OR14I1: variants seen among roughly 807,000 people sequenced by gnomAD.
OR14I1 encodes olfactory receptor 14I1.
For missense variants in OR14I1, 279 were observed against 181.8 expected, an observed-to-expected ratio of 1.53 and a Z score of -3.07; for synonymous variants, 118 against 71.1, an observed-to-expected ratio of 1.66 and a Z score of -3.32.
the OR14I1 span, chr1:248,697,309 A>G: frequency 6.6e-6 from 1 of 152,156 alleles, no homozygotes; most frequent in Non-Finnish European, 1.5e-5. Context: ...ATCTCTTAGA[A>G]ATGAGGACAC....
the OR14I1 span, among the ~76,000 whole-genome samples, chr1:248,694,742 A>G: frequency 6.6e-6 from 1 of 152,242 alleles, no homozygotes; most frequent in East Asian, 1.9e-4. Flanking sequence ...ATGTAGGAAA[A>G]TACCTAGGAA....
At chr1:248,687,132 A>G (rs1392471524), upstream of OR14I1, among the ~76,000 whole-genome samples, 1 of 152,256 alleles carries the variant, frequency 6.6e-6, no homozygotes, top group Admixed American at 6.5e-5. Flanking sequence ...AGTGATGAGC[A>G]TGAGATATAG....
chr1:248,697,556 G>A, the OR14I1 span, among the ~76,000 whole-genome samples: 81 of 151,858 alleles, frequency 5.3e-4, no homozygotes, highest in African/African-American at 1.9e-3. Context: ...AGGCTGAGGC[G>A]GGCAGATCAC....
exon 1 of OR14I1, chr1:248,681,931 C>A (rs1661573783): frequency 1.3e-6 from 1 of 780,798 alleles, no homozygotes; most frequent in Admixed American, 1.7e-5. Flanking sequence ...GAGGGGGTGG[C>A]AAATGGCAAC....
downstream of OR14I1, among the ~76,000 whole-genome samples, chr1:248,680,774 T>C (rs1389073350): frequency 6.6e-6 from 1 of 152,172 alleles, no homozygotes; most frequent in Non-Finnish European, 1.5e-5. Flanking sequence ...AGGCACTCAG[T>C]GACAATCTCA....
chr1:248,679,699 G>A (rs772525451), downstream of OR14I1, among the ~76,000 whole-genome samples: 3 of 152,104 alleles, frequency 2.0e-5, no homozygotes, highest in Non-Finnish European at 2.9e-5. Context: ...AGCTGGTCCT[G>A]AGTCCACCTC....
At chr1:248,699,733 C>A in the OR14I1 span, among the ~76,000 whole-genome samples, 2 of 151,746 alleles carry the variant, frequency 1.3e-5, no homozygotes, top group African/African-American at 4.9e-5. Flanking sequence ...CCCTGGTTCT[C>A]ACTGCTGACT....
chr1:248,700,875 T>G, the OR14I1 span, among the ~76,000 whole-genome samples: 1 of 152,212 alleles, frequency 6.6e-6, no homozygotes, highest in Admixed American at 6.5e-5. Context: ...CAATGCTCAT[T>G]GGGTGAATCA....
chr1:248,686,797 G>A (rs895046612), upstream of OR14I1, among the ~76,000 whole-genome samples: 3 of 119,572 alleles, frequency 2.5e-5, 1 homozygote, highest in Non-Finnish European at 3.8e-5. Context: ...TTCTCAATAT[G>A]TATTCACTGT....
upstream of OR14I1, chr1:248,682,336 G>GA (rs1278360465): frequency 5.7e-6 from 4 of 703,670 alleles, no homozygotes; most frequent in African/African-American, 7.1e-5. Flanking sequence ...TGATTGTTGA[G>GA]AAAAAATATA....
downstream of OR14I1, among the ~76,000 whole-genome samples, chr1:248,679,438 T>G (rs1661524017): frequency 6.6e-6 from 1 of 151,804 alleles, no homozygotes; most frequent in Admixed American, 6.6e-5. Flanking sequence ...TACTAATATA[T>G]GTAATATAGC....
chr1:248,686,193 T>C (rs1019163572), upstream of OR14I1, among the ~76,000 whole-genome samples: 1 of 152,224 alleles, frequency 6.6e-6, no homozygotes, highest in Non-Finnish European at 1.5e-5. Flanking sequence ...TGTGGTATGA[T>C]GAGTAATAAG....
chr1:248,699,595 C>A, the OR14I1 span, among the ~76,000 whole-genome samples: 1 of 152,088 alleles, frequency 6.6e-6, no homozygotes, highest in Non-Finnish European at 1.5e-5. Context: ...CTGGAAGCAT[C>A]TTTCTGAGAG....
chr1:248,681,958 A>G, exon 1 of OR14I1: 1 of 781,100 alleles, frequency 1.3e-6, no homozygotes. Context: ...GTCATAAGAC[A>G]TGACAGTAAG....
chr1:248,699,285 C>T, the OR14I1 span, among the ~76,000 whole-genome samples: 194 of 152,138 alleles, frequency 1.3e-3, no homozygotes, highest in Non-Finnish European at 2.3e-3. Context: ...AGAATGAGGA[C>T]GTGTGCAGTT....
At chr1:248,698,096 GC>G in the OR14I1 span, among the ~76,000 whole-genome samples, 1 of 152,188 alleles carries the variant, frequency 6.6e-6, no homozygotes, top group African/African-American at 2.4e-5. Context: ...ACTTCCTCCT[GC>G]TGACGCTGGG....
chr1:248,682,095 G>T lies in OR14I1; in HGVS notation c.210C>A (p.Cys70Ter), dbSNP rs768264550. 19 of 780,946 alleles carry T rather than the reference G, an allele frequency of 2.4e-5. No individual in the cohort carries two copies. In the Middle Eastern group the frequency reaches 1.6e-3, roughly 64 times the overall value. 48.4% of individuals were successfully genotyped at this position (780,946 alleles called of 1,614,324 possible). The stretch of plus-strand genomic sequence containing the variant: ...ATTTAGGCACAGTGACTGAGATGTA[G>T]CACAGATCCAAAACGGAGAGGTTCT... The change falls in exon 1 of 1, where the codon TGC becomes TGA. Residue 70 changes from cysteine (C) to a stop codon, truncating the protein, a stop_gained. Transcript: ENST00000342623. LOFTEE classifies it low-confidence loss of function (END_TRUNC).
At chr1:248,693,139 AT>A in the OR14I1 span, among the ~76,000 whole-genome samples, 1 of 152,040 alleles carries the variant, frequency 6.6e-6, no homozygotes, top group Non-Finnish European at 1.5e-5. Context: ...TCATTTTAAC[AT>A]TTCTCCCATT....
upstream of OR14I1, among the ~76,000 whole-genome samples, chr1:248,686,635 A>G (rs902043948): frequency 5.0e-5 from 6 of 120,706 alleles, no homozygotes; most frequent in Admixed American, 2.4e-4. Context: ...GAACAATTAA[A>G]TCACTTTAAG....
Sources: allele counts gnomAD v4.1 joint callset (sites outside exome capture counted in the v4.1 genomes callset), GRCh38; gene constraint gnomAD v4.1.1; transcripts MANE v1.5; gene names NCBI Gene and HGNC (gene_info 2026-07-23, HGNC 2026-07-21).